ERCC4: variants seen among roughly 807,000 people sequenced by gnomAD.
ERCC4 encodes the protein ERCC excision repair 4, endonuclease catalytic subunit, also known as DNA repair endonuclease XPF.
A neutral mutation model predicts 76.9 loss-of-function variants in ERCC4; 65 were observed. The observed-to-expected ratio is 0.84, with a 90% CI of 0.69 to 1.04. The LOEUF (loss-of-function observed/expected upper bound fraction) is 1.04. Ranked by LOEUF, ERCC4 falls within the 50% of genes least tolerant of loss-of-function variation. The pLI, the probability that ERCC4 is intolerant of heterozygous loss-of-function variation, is 0.00. For missense variants in ERCC4, 1,214 were observed against 1,128.2 expected, an observed-to-expected ratio of 1.08 and a Z score of -1.09; for synonymous variants, 463 against 410.1, an observed-to-expected ratio of 1.13 and a Z score of -1.56.
chr16:13,945,649 G>C (rs1053954076), intron 10 of ERCC4, among the ~76,000 whole-genome samples: 5 of 152,204 alleles, frequency 3.3e-5, no homozygotes, highest in South Asian at 2.1e-4. Context: ...CAGTGGATGT[G>C]AAATGGAGCC....
rs1009005586 is a variant in ERCC4 at position 13,951,365 on chromosome 16, T to G, written c.*3018T>G. 5.1e-6 allele frequency: 1 copy of G among 197,120 alleles called. No homozygotes were observed. The highest frequency in any genetic ancestry group is 2.3e-5 in the African/African-American group (1 of 43,352). 12.2% of individuals were successfully genotyped at this position (197,120 alleles called of 1,614,324 possible). A position where few individuals can be genotyped will look rare whatever the true frequency, so the allele number is the denominator to read the frequency against. Reference sequence around the variant, plus strand: ...ATCAGCATTTTTCTATTTTACAAGTTTTTTGTATAAAAAGGTGAACATATG... The same window carrying G: ...ATCAGCATTTTTCTATTTTACAAGTGTTTTGTATAAAAAGGTGAACATATG... On this transcript the variant is annotated 3_prime_UTR_variant, in exon 11 of 11. Coordinates refer to ENST00000311895, the MANE Select transcript of ERCC4 (RefSeq NM_005236.3).
In ERCC4 at chr16:13,952,260, G is replaced by C. The variant is rs112259692; in HGVS notation, c.*3913G>C. On this transcript the variant is annotated 3_prime_UTR_variant, in exon 11 of 11. Coordinates refer to ENST00000311895, the MANE Select transcript of ERCC4 (RefSeq NM_005236.3). ...CATAGTGAAAGGGCATATATTACCA[G>C]CAGTAATAATTCAAAATCCTGAAAA... is the stretch of plus-strand genomic sequence containing the variant. 0.045 allele frequency: 8,413 copies of C among 186,788 alleles called. 252 individuals carry two copies. Among genetic ancestry groups the C allele is most frequent in the Middle Eastern group, 0.068 (35 of 518 alleles). 11.6% of individuals were successfully genotyped at this position (186,788 alleles called of 1,614,324 possible).
At chr16:13,943,008 G>A (rs2032444675) in intron 9 of ERCC4, among the ~76,000 whole-genome samples, 1 of 152,172 alleles carries the variant, frequency 6.6e-6, no homozygotes, top group African/African-American at 2.4e-5. Flanking sequence ...CTTGAGTCTG[G>A]TATTGAGAAT....
At chr16:13,920,951 G>T (rs2031962052) in intron 1 of ERCC4, among the ~76,000 whole-genome samples, 1 of 152,236 alleles carries the variant, frequency 6.6e-6, no homozygotes, top group Non-Finnish European at 1.5e-5. Flanking sequence ...ACTGAAAGGT[G>T]AAGGGGCTCT....
chr16:13,939,850 T>C (rs987688772), intron 9 of ERCC4, among the ~76,000 whole-genome samples: 9 of 152,178 alleles, frequency 5.9e-5, no homozygotes, highest in Non-Finnish European at 1.2e-4. Context: ...TGATACTGGA[T>C]GTGGGCCAGT....
chr16:13,924,204 A>T (rs1177990712), intron 2 of ERCC4, among the ~76,000 whole-genome samples: 3 of 152,180 alleles, frequency 2.0e-5, no homozygotes, highest in Non-Finnish European at 4.4e-5. Flanking sequence ...GGAAAGGCTG[A>T]ATCCCCCAGC....
chr16:13,937,714 A>G, intron 8 of ERCC4, 52 bp from the exon 9 acceptor site: 1 of 1,096,466 alleles, frequency 9.1e-7, no homozygotes, highest in Non-Finnish European at 1.4e-6. Flanking sequence ...TGTTCCTTTC[A>G]GGGATTAAAA....
intron 4 of ERCC4, 21 bp from the exon 5 acceptor site, chr16:13,930,689 C>A (rs771119268): frequency 1.3e-6 from 2 of 1,596,992 alleles, no homozygotes; most frequent in Non-Finnish European, 1.7e-6. Flanking sequence ...TTAGCAATAC[C>A]AAATTTTATT....
In ERCC4 at chr16:13,928,173, A is replaced by C. The variant is rs201176880; in HGVS notation, c.730A>C (p.Asn244His). The change falls in exon 4 of 11, where the codon AAC becomes CAC. Residue 244 changes from asparagine (N) to histidine (H), a missense_variant. By Grantham distance (68) the Asn-to-His change is moderately conservative. Coordinates refer to ENST00000311895, the MANE Select transcript of ERCC4 (RefSeq NM_005236.3). The part of the protein sequence containing the change: ...NACLKELKCH[N>H]PSLEVEDLSL... ...ATGTCTAAAGGAACTAAAATGCCAT[A>C]ACCCATCGCTTGAAGTGGAAGATTT... 6.2e-7 allele frequency: 1 copy of C among 1,613,786 alleles called. No individual in the cohort carries two copies. Among genetic ancestry groups the C allele is most frequent in the Non-Finnish European group, 8.5e-7 (1 of 1,179,796 alleles).
At chr16:13,935,093 A>G in intron 7 of ERCC4, 53 bp from the exon 8 acceptor site, 11 of 1,354,224 alleles carry the variant, frequency 8.1e-6, no homozygotes, top group Non-Finnish European at 1.2e-5. Context: ...GGCACAGGGA[A>G]ACTAGGAGGA....
At position 13,949,034 on chromosome 16, in the gene ERCC4, T is replaced by C. The variant is rs1002630047; in HGVS notation, c.*687T>C. 2 of 232,934 alleles carry C rather than the reference T, an allele frequency of 8.6e-6. No homozygotes were observed. Among genetic ancestry groups the C allele is most frequent in the African/African-American group, 4.4e-5 (2 of 45,344 alleles). The allele number at this position is 232,934 out of a possible 1,614,324, so 14.4% of individuals were successfully genotyped here. A position where few individuals can be genotyped will look rare whatever the true frequency, so the allele number is the denominator to read the frequency against. On this transcript the variant is annotated 3_prime_UTR_variant, in exon 11 of 11. Coordinates refer to ENST00000311895, the MANE Select transcript of ERCC4 (RefSeq NM_005236.3). ...AGGAAATTTCATGGAGCCTTCCTAC[T>C]ACTAATTCAAGACAGTCTCCTCAAA...
intron 1 of ERCC4, among the ~76,000 whole-genome samples, chr16:13,921,237 T>C (rs752939590): frequency 1.8e-4 from 27 of 152,026 alleles, no homozygotes; most frequent in Non-Finnish European, 3.1e-4. Flanking sequence ...AAGAGGGCCA[T>C]AGGGTCAGAA....
At position 13,948,342 on chromosome 16, in the gene ERCC4, A is replaced by G. The variant is rs758936308; in HGVS notation, c.2746A>G (p.Lys916Glu). The part of the protein sequence containing the change: ...AEVVSKGKGK[K>E] Reference sequence around the variant, plus strand: ...AGTCGTATCAAAAGGAAAAGGGAAAAAGTGAACAGTGATGGCTGTTTTCTT... The same window carrying G: ...AGTCGTATCAAAAGGAAAAGGGAAAGAGTGAACAGTGATGGCTGTTTTCTT... Residue 916 changes from lysine to glutamate, a missense_variant, in exon 11 of 11, where the codon AAG becomes GAG. Lys to Glu is a moderately conservative substitution (Grantham distance 56). Coordinates refer to ENST00000311895, the MANE Select transcript of ERCC4 (RefSeq NM_005236.3). 6.2e-7 allele frequency: 1 copy of G among 1,609,876 alleles called. No individual in the cohort carries two copies. The highest frequency in any genetic ancestry group is 8.5e-7 in the Non-Finnish European group (1 of 1,179,998).
chr16:13,941,171 A>G (rs2032406096), intron 9 of ERCC4, among the ~76,000 whole-genome samples: 1 of 152,198 alleles, frequency 6.6e-6, no homozygotes, highest in African/African-American at 2.4e-5. Context: ...CAGAACCTGG[A>G]TCATGGACTC....
rs2032620069 is a variant in ERCC4 at position 13,951,022 on chromosome 16, A to G, written c.*2675A>G. The G allele has an allele frequency of 5.3e-6, 1 of 189,148 alleles. No individual in the cohort carries two copies. The highest frequency in any genetic ancestry group is 2.3e-5 in the African/African-American group (1 of 42,870). 11.7% of individuals were successfully genotyped at this position (189,148 alleles called of 1,614,324 possible). ...TTTGAATTATGAACAGTAATTTCTA[A>G]TGAATTCTAAAATGGTCATTGTAAG... On this transcript the variant is annotated 3_prime_UTR_variant, in exon 11 of 11. Transcript: ENST00000311895.
chr16:13,950,363 G>A lies in ERCC4; in HGVS notation c.*2016G>A. 1 of 187,286 alleles carries A rather than the reference G, an allele frequency of 5.3e-6. No homozygotes were observed. The highest frequency in any genetic ancestry group is 1.1e-5 in the Non-Finnish European group (1 of 88,732). The allele number at this position is 187,286 out of a possible 1,614,324, so 11.6% of individuals were successfully genotyped here. A position where few individuals can be genotyped will look rare whatever the true frequency, so the allele number is the denominator to read the frequency against. On this transcript the variant is annotated 3_prime_UTR_variant, in exon 11 of 11. Transcript: ENST00000311895. ...TATATGGATTTTGAACTCTACACAA[G>A]GGTATAACCAGAATGAATTGAGGGG...
Position 13,937,808 on chromosome 16 carries a change from C to G in ERCC4, c.1854C>G (p.Arg618=), listed in dbSNP as rs765147177. The change falls in exon 9 of 11, where the codon CGC becomes CGG. Residue 618 remains arginine (R), a synonymous_variant. Transcript: ENST00000311895. ...ACGGAGGTTCAACTGAGGAACAACG[C>G]TATCTCACTGCTTTGCGGAAAGAAA... is the stretch of plus-strand genomic sequence containing the variant. ...LIYGGSTEEQ[R]YLTALRKEKE... is the part of the protein sequence containing the mutation. The G allele has an allele frequency of 6.2e-7, 1 of 1,613,514 alleles. No homozygotes were observed. The highest frequency in any genetic ancestry group is 1.3e-5 in the African/African-American group (1 of 74,914).
In ERCC4 at chr16:13,920,174, A is replaced by C. The variant is rs375831794; in HGVS notation, c.9A>C (p.Ser3=). 17 of 1,605,514 alleles carry C rather than the reference A, an allele frequency of 1.1e-5. No homozygotes were observed. Among genetic ancestry groups the C allele is most frequent in the Non-Finnish European group, 1.3e-5 (15 of 1,179,826 alleles). ...GACCCGGAAGAGCTTCCATGGAGTCAGGGCAGCCGGCTCGACGGATTGCCA... is the reference window on the plus strand; with the variant it reads ...GACCCGGAAGAGCTTCCATGGAGTCCGGGCAGCCGGCTCGACGGATTGCCA... ME[S]GQPARRIAMA... Residue 3 remains serine, a synonymous_variant, in exon 1 of 11, where the codon TCA becomes TCC. Coordinates refer to ENST00000311895, the MANE Select transcript of ERCC4 (RefSeq NM_005236.3).
At position 13,944,835 on chromosome 16, in the gene ERCC4, G is replaced by A. The variant is rs760553358; in HGVS notation, c.2017G>A (p.Gly673Ser). ...TGTTTCCACTGACACTCGGAAAGCC[G>A]GTGAGTCCTGCACTTTGTCAGGCAC... is the stretch of plus-strand genomic sequence containing the variant. The part of the protein sequence containing the change: ...ADVSTDTRKA[G>S]GQEQNGTQQS... Residue 673 changes from glycine to serine, a missense_variant and splice_region_variant, in exon 10 of 11, where the codon GGT becomes AGT. Coordinates refer to ENST00000311895, the MANE Select transcript of ERCC4 (RefSeq NM_005236.3). 1.0e-5 allele frequency: 16 copies of A among 1,590,686 alleles called. No homozygotes were observed. The highest frequency in any genetic ancestry group is 3.3e-5 in the Admixed American group (2 of 59,986).
Sources: gnomAD v4.1 joint callset for allele counts (sites outside exome capture counted in the v4.1 genomes callset) on GRCh38, gnomAD v4.1.1 for gene constraint, MANE v1.5 for transcripts, NCBI Gene and HGNC (gene_info 2026-07-23, HGNC 2026-07-21) for gene names.